The following MBNL3 variants were observed in gnomAD, a reference collection of about 807,000 sequenced individuals.
MBNL3 encodes the protein muscleblind like splicing regulator 3.
MBNL3 carries 6 observed loss-of-function variants against 24.5 expected under a neutral mutation model. That is an observed-to-expected ratio of 0.25 (90% CI 0.13 to 0.48). MBNL3 has a LOEUF of 0.48. Among genes scored for constraint, MBNL3 ranks in the 20% least tolerant of loss-of-function variants. The pLI is 0.99. For missense variants in MBNL3, 230 were observed against 293.5 expected, an observed-to-expected ratio of 0.78 and a Z score of 1.58; for synonymous variants, 100 against 101.7, an observed-to-expected ratio of 0.98 and a Z score of 0.10.
rs148458638 is a variant in MBNL3, at chrX:132,484,314, T to C, written c.-704+4537A>G. Among the ~76,000 whole-genome samples the C allele has an allele frequency of 1.7e-3, 190 of 112,411 alleles. 1 individual carries two copies. Among genetic ancestry groups the C allele is most frequent in the African/African-American group, 5.8e-3 (181 of 30,957 alleles). ...GCTACAAGGAAGAATGTTCGTAACA[T>C]GCAAAAACAAGTTAGAAAGATTAAT... On this transcript the variant is annotated intron_variant, in intron 1 of 8. Coordinates refer to ENST00000370853, the MANE Select transcript of MBNL3 (RefSeq NM_001386889.1).
At chrX:132,481,228 T>C (rs1005482543) in intron 1 of MBNL3, among the ~76,000 whole-genome samples, 3 of 111,840 alleles carry the variant, frequency 2.7e-5, no homozygotes, top group African/African-American at 9.8e-5. Context: ...AGAGATTTCT[T>C]TGGGGATAGA....
Position 132,438,641 on chromosome X carries a change from G to T in MBNL3, c.177+794C>A, listed in dbSNP as rs142355859. 6.4e-3 allele frequency among the ~76,000 whole-genome samples: 686 copies of T among 107,810 alleles called. 11 individuals are homozygous for T. The highest frequency in any genetic ancestry group is 0.022 in the African/African-American group (656 of 29,612). The allele number at this position is 107,810 out of a possible 115,157, so 93.6% of individuals were successfully genotyped here. On this transcript the variant is annotated intron_variant, in intron 2 of 8. Transcript: ENST00000370853. ...TTATACTTTTTATCCTTAATTTAAG[G>T]ATAACTATGAATAACACATGAAAAT... is the stretch of plus-strand genomic sequence containing the variant.
At chrX:132,467,059 T>G (rs1481900848) in intron 1 of MBNL3, among the ~76,000 whole-genome samples, 2 of 111,633 alleles carry the variant, frequency 1.8e-5, no homozygotes, top group Non-Finnish European at 3.8e-5. Context: ...GCCATACACA[T>G]GCATACTATC....
intron 1 of MBNL3, among the ~76,000 whole-genome samples, chrX:132,464,048 A>C (rs1017307459): frequency 3.6e-5 from 4 of 112,594 alleles, no homozygotes; most frequent in Non-Finnish European, 7.5e-5. Context: ...GATAAAGCAC[A>C]ATATTGTTGG....
intron 3 of MBNL3, among the ~76,000 whole-genome samples, chrX:132,405,835 C>T (rs750171804): frequency 1.1e-4 from 11 of 98,690 alleles, no homozygotes; most frequent in African/African-American, 4.2e-4. Flanking sequence ...CTAGATCGCA[C>T]CATTGCACTC....
In MBNL3 at chrX:132,454,771, A is replaced by G. The variant is rs144914562; in HGVS notation, c.-703-14457T>C. Among the ~76,000 whole-genome samples the G allele has an allele frequency of 1.0e-3, 115 of 112,345 alleles. No individual in the cohort carries two copies. The East Asian group carries it at 0.014, about 13-fold the overall frequency. ...GACTGAAATACATATCTACAAACCA[A>G]CTGCCTAGAGTTCATTGGAAAGTTG... On this transcript the variant is annotated intron_variant, in intron 1 of 8. Coordinates refer to ENST00000370853, the MANE Select transcript of MBNL3 (RefSeq NM_001386889.1).
intron 1 of MBNL3, among the ~76,000 whole-genome samples, chrX:132,450,173 G>T (rs183248220): frequency 5.4e-5 from 6 of 111,104 alleles, no homozygotes; most frequent in Admixed American, 1.9e-4. Flanking sequence ...TATCTTTGTG[G>T]TGTTCTCTGT....
chrX:132,453,286 T>C (rs750157562), intron 1 of MBNL3, among the ~76,000 whole-genome samples: 1 of 111,905 alleles, frequency 8.9e-6, no homozygotes, highest in Non-Finnish European at 1.9e-5. Context: ...AACAATGATC[T>C]GCTCCTGGAA....
Position 132,374,760 on chromosome X carries a change from A to G in MBNL3, c.*4906T>C, listed in dbSNP as rs1365086963. On this transcript the variant is annotated 3_prime_UTR_variant, in exon 9 of 9. Coordinates refer to ENST00000370853, the MANE Select transcript of MBNL3 (RefSeq NM_001386889.1). The stretch of plus-strand genomic sequence containing the variant: ...GGGTCATTCCACAGTATCTTTATGT[A>G]TAGTTTTAAAAATATGAATTAATTT... 1.8e-5 allele frequency: 2 copies of G among 111,972 alleles called. No individual in the cohort carries two copies. Among genetic ancestry groups the G allele is most frequent in the Non-Finnish European group, 3.8e-5 (2 of 53,036 alleles). 9.2% of individuals were successfully genotyped at this position (111,972 alleles called of 1,213,427 possible).
intron 3 of MBNL3, among the ~76,000 whole-genome samples, chrX:132,405,485 G>A (rs1256671752): frequency 8.9e-6 from 1 of 112,140 alleles, no homozygotes; most frequent in African/African-American, 3.2e-5. Flanking sequence ...GATGTTAACA[G>A]TGGGGAGAAC....
In MBNL3 at chrX:132,420,277, C is replaced by G. The variant is rs868008086; in HGVS notation, c.178-13885G>C. 2.7e-5 allele frequency among the ~76,000 whole-genome samples: 3 copies of G among 111,987 alleles called. No individual in the cohort carries two copies. The East Asian group carries it at 8.4e-4, about 31-fold the overall frequency. ...CGATCGGGAGCGGCAATGGGTGCCTCGCTGGATCAGGAGCGCAGCAGACAC... is the reference window on the plus strand; with the variant it reads ...CGATCGGGAGCGGCAATGGGTGCCTGGCTGGATCAGGAGCGCAGCAGACAC... On this transcript the variant is annotated intron_variant, in intron 2 of 8. Transcript: ENST00000370853.
At chrX:132,382,072 G>T in intron 8 of MBNL3, 106 bp downstream of exon 8, 1 of 666,015 alleles carries the variant, frequency 1.5e-6, no homozygotes, top group Non-Finnish European at 2.2e-6. Context: ...ATGTGACAAT[G>T]GCTTAAGAAA....
At chrX:132,478,966 C>T (rs999330634) in intron 1 of MBNL3, among the ~76,000 whole-genome samples, 1 of 111,988 alleles carries the variant, frequency 8.9e-6, no homozygotes, top group African/African-American at 3.2e-5. Context: ...TAATAATGTC[C>T]GGGCCCGGCA....
At chrX:132,387,967 T>C (rs774780770) in intron 5 of MBNL3, among the ~76,000 whole-genome samples, 1 of 110,446 alleles carries the variant, frequency 9.1e-6, no homozygotes, top group East Asian at 2.8e-4. Flanking sequence ...TACTTTACAT[T>C]TTTTTTTTCT....
At chrX:132,480,600 G>A (rs1487363541) in intron 1 of MBNL3, among the ~76,000 whole-genome samples, 1 of 111,739 alleles carries the variant, frequency 8.9e-6, no homozygotes, top group Admixed American at 9.4e-5. Flanking sequence ...TAGCTCCATT[G>A]TCCATATGGA....
rs1196166599 is a variant in MBNL3, at chrX:132,390,250, A to AAAC, written c.771+594_771+596dup. ...CACCCCCACAAAACAAAACAAAACAAAACAACAACAACAACAAAAAAAAAA... is the reference window on the plus strand; with the variant it reads ...CACCCCCACAAAACAAAACAAAACAAAACAACAACAACAACAACAAAAAAAAAA... On this transcript the variant is annotated intron_variant, in intron 5 of 8. Transcript: ENST00000370853. Among the ~76,000 whole-genome samples, 148 of 80,122 alleles carry AAAC rather than the reference A, an allele frequency of 1.8e-3. 2 individuals carry two copies. Among genetic ancestry groups the AAAC allele is most frequent in the Non-Finnish European group, 2.6e-3 (110 of 42,638 alleles). 69.6% of individuals were successfully genotyped at this position (80,122 alleles called of 115,157 possible).
At chrX:132,462,334 A>G (rs1334586089) in intron 1 of MBNL3, among the ~76,000 whole-genome samples, 1 of 112,202 alleles carries the variant, frequency 8.9e-6, no homozygotes, top group East Asian at 2.8e-4. Context: ...AAACCATTCT[A>G]TTTTTTTGAA....
chrX:132,378,936 G>C lies in MBNL3; in HGVS notation c.*730C>G, dbSNP rs1156429976. 1 of 111,865 alleles carries C rather than the reference G, an allele frequency of 8.9e-6. No individual in the cohort carries two copies. Among genetic ancestry groups the C allele is most frequent in the Non-Finnish European group, 1.9e-5 (1 of 53,120 alleles). 9.2% of individuals were successfully genotyped at this position (111,865 alleles called of 1,213,427 possible). On this transcript the variant is annotated 3_prime_UTR_variant, in exon 9 of 9. Transcript: ENST00000370853. ...AATTTGATTGTATTATGCAACATCAGATCTGCAGGTACAAATTATACACAT... is the reference window on the plus strand; with the variant it reads ...AATTTGATTGTATTATGCAACATCACATCTGCAGGTACAAATTATACACAT...
chrX:132,380,294 G>C (rs1448243856), intron 8 of MBNL3, among the ~76,000 whole-genome samples: 2 of 111,893 alleles, frequency 1.8e-5, no homozygotes, highest in East Asian at 5.6e-4. Flanking sequence ...TGGTTACCTT[G>C]ACGTAAAGCA....
Sources: allele counts gnomAD v4.1 joint callset (sites outside exome capture counted in the v4.1 genomes callset), GRCh38; gene constraint gnomAD v4.1.1; transcripts MANE v1.5; gene names NCBI Gene and HGNC (gene_info 2026-07-23, HGNC 2026-07-21).